CDH9: variants seen among roughly 807,000 people sequenced by gnomAD.
The protein encoded by CDH9 is cadherin 9, also known as cadherin-9.
Under a neutral mutation model 70.9 loss-of-function variants are expected in CDH9, and 28 were observed. That is an observed-to-expected ratio of 0.40 (90% CI 0.29 to 0.54). The LOEUF is 0.54. CDH9 is among the 20% of genes least tolerant of loss of function. CDH9 has a pLI of 0.59. For synonymous variants in CDH9, 409 were observed against 343.1 expected (o/e 1.19, Z -2.12); for missense variants, 874 against 984.4 (o/e 0.89, Z 1.50).
rs971016592 is a variant in CDH9 at position 26,965,692 on chromosome 5, T to G, written c.228+22414A>C. ...ACAACTAGAAACTACATTAATTATT[T>G]TAGCCTAATTATCTGATCATTTCTG... On this transcript the variant is annotated intron_variant, in intron 2 of 11. Coordinates refer to ENST00000231021, the MANE Select transcript of CDH9 (RefSeq NM_016279.4). 2.6e-5 allele frequency among the ~76,000 whole-genome samples: 4 copies of G among 151,788 alleles called. No individual in the cohort carries two copies. In the South Asian group the frequency reaches 6.2e-4, roughly 24 times the overall value.
At chr5:26,914,412 T>G (rs1348250536) in intron 3 of CDH9, among the ~76,000 whole-genome samples, 1 of 152,068 alleles carries the variant, frequency 6.6e-6, no homozygotes, top group Non-Finnish European at 1.5e-5. Flanking sequence ...GTACTTTCCA[T>G]GCAACTAAGA....
intron 2 of CDH9, among the ~76,000 whole-genome samples, chr5:26,969,417 T>C (rs1478865297): frequency 6.6e-6 from 1 of 152,098 alleles, no homozygotes; most frequent in East Asian, 1.9e-4. Flanking sequence ...TTAATATTAT[T>C]ATTGTCATTG....
intron 1 of CDH9, among the ~76,000 whole-genome samples, chr5:26,996,667 CAT>C (rs1742670889): frequency 6.6e-6 from 1 of 151,276 alleles, no homozygotes; most frequent in Admixed American, 6.6e-5. Flanking sequence ...ATTATATAAC[CAT>C]ATATGTGTAC....
intron 2 of CDH9, among the ~76,000 whole-genome samples, chr5:26,923,069 T>TAAAAAAAAA (rs56883597): frequency 4.2e-5 from 4 of 95,048 alleles, no homozygotes; most frequent in Non-Finnish European, 6.5e-5. Context: ...TTACATGAAT[T>TAAAAAAAAA]AAAAAAAAAA....
rs949108348 is a variant in CDH9, at chr5:26,988,528, T to A, written c.-49-146A>T. On this transcript the variant is annotated intron_variant, in intron 1 of 11. Transcript: ENST00000231021. ...ATATTTCTATATCAGTGAACGGTCA[T>A]GAAAAACTCATTTATCACATAGATA... is the stretch of plus-strand genomic sequence containing the variant. 6.8e-6 allele frequency: 4 copies of A among 590,882 alleles called. No homozygotes were observed. The East Asian group carries it at 1.1e-4, about 16-fold the overall frequency. The allele number at this position is 590,882 out of a possible 1,614,324, so 36.6% of individuals were successfully genotyped here.
chr5:26,918,039 C>T (rs1050246890), intron 2 of CDH9, among the ~76,000 whole-genome samples: 12 of 152,122 alleles, frequency 7.9e-5, no homozygotes, highest in Admixed American at 1.3e-4. Context: ...AATGTAATTG[C>T]TTGAATTCTA....
At chr5:26,937,726 A>G (rs1579462588) in intron 2 of CDH9, among the ~76,000 whole-genome samples, 1 of 152,148 alleles carries the variant, frequency 6.6e-6, no homozygotes, top group African/African-American at 2.4e-5. Flanking sequence ...TCTGAAAAAG[A>G]CTATATACCA....
intron 2 of CDH9, among the ~76,000 whole-genome samples, chr5:26,976,308 G>A (rs1742301591): frequency 1.3e-5 from 2 of 152,132 alleles, no homozygotes; most frequent in Admixed American, 1.3e-4. Flanking sequence ...AGTGAATCTG[G>A]CTAAAGAGTA....
intron 1 of CDH9, among the ~76,000 whole-genome samples, chr5:27,017,172 C>T (rs993675779): frequency 4.6e-5 from 7 of 151,908 alleles, no homozygotes; most frequent in Middle Eastern, 3.4e-3. Context: ...TTACCTTAAT[C>T]ATAAGAGACA....
chr5:26,989,163 T>C (rs1742538803), intron 1 of CDH9, among the ~76,000 whole-genome samples: 2 of 152,074 alleles, frequency 1.3e-5, no homozygotes, highest in Non-Finnish European at 2.9e-5. Context: ...TATAGGATAA[T>C]CTGATCCAGA....
chr5:26,960,345 T>A (rs1406391706), intron 2 of CDH9, among the ~76,000 whole-genome samples: 1 of 152,008 alleles, frequency 6.6e-6, no homozygotes, highest in South Asian at 2.1e-4. Context: ...ACCTCCCATA[T>A]GCTGCTTCTA....
chr5:26,923,044 T>C (rs1217384119), intron 2 of CDH9, among the ~76,000 whole-genome samples: 1 of 130,560 alleles, frequency 7.7e-6, no homozygotes, highest in Non-Finnish European at 1.6e-5. Context: ...CCCTCCTATC[T>C]AAGACATAGT....
intron 1 of CDH9, among the ~76,000 whole-genome samples, chr5:27,015,016 T>A (rs867697893): frequency 4.6e-5 from 7 of 151,934 alleles, no homozygotes; most frequent in Non-Finnish European, 8.8e-5. Flanking sequence ...AAGACTGCGA[T>A]GCAAGGATCA....
At chr5:26,894,901 AAG>A (rs1429473286) in intron 7 of CDH9, among the ~76,000 whole-genome samples, 3 of 152,086 alleles carry the variant, frequency 2.0e-5, no homozygotes, top group African/African-American at 7.2e-5. Context: ...TAACATGTGA[AAG>A]AGAGCACAAG....
At chr5:26,942,458 A>C (rs912821587) in intron 2 of CDH9, among the ~76,000 whole-genome samples, 3 of 152,148 alleles carry the variant, frequency 2.0e-5, no homozygotes, top group Non-Finnish European at 2.9e-5. Context: ...TAACGGCCCC[A>C]CATTTCAGTA....
At chr5:26,926,490 C>G (rs543733354) in intron 2 of CDH9, among the ~76,000 whole-genome samples, 12 of 151,940 alleles carry the variant, frequency 7.9e-5, no homozygotes, top group Admixed American at 5.9e-4. Context: ...TAGGAAGAAT[C>G]AATATCATGA....
intron 1 of CDH9, among the ~76,000 whole-genome samples, chr5:27,002,934 TA>T (rs1742796536): frequency 6.6e-6 from 1 of 151,140 alleles, no homozygotes; most frequent in African/African-American, 2.4e-5. Flanking sequence ...AAGATAAAAA[TA>T]AAAAATAAAT....
chr5:26,954,499 C>T (rs10070872), intron 2 of CDH9, among the ~76,000 whole-genome samples: 3,545 of 147,814 alleles, frequency 0.024, 142 homozygotes, highest in African/African-American at 0.082. Flanking sequence ...ATTCGCCTGC[C>T]TCAGCCTCCC....
intron 7 of CDH9, among the ~76,000 whole-genome samples, chr5:26,899,851 C>G (rs1031367961): frequency 6.8e-6 from 1 of 146,004 alleles, no homozygotes; most frequent in Non-Finnish European, 1.5e-5. Context: ...ACATGTATCA[C>G]AGAACTTAAA....
Sources: allele counts gnomAD v4.1 joint callset (sites outside exome capture counted in the v4.1 genomes callset), GRCh38; gene constraint gnomAD v4.1.1; transcripts MANE v1.5; gene names NCBI Gene and HGNC (gene_info 2026-07-23, HGNC 2026-07-21).